Variants in CDH8 observed in about 807,000 individuals in gnomAD.
The protein encoded by CDH8 is cadherin-8.
CDH8 carries 17 observed loss-of-function variants against 68.1 expected under a neutral mutation model. That is an observed-to-expected ratio of 0.25 (90% CI 0.17 to 0.37). The LOEUF (loss-of-function observed/expected upper bound fraction) is 0.37. Ranked by LOEUF, CDH8 falls within the 10% of genes least tolerant of loss-of-function variation. The pLI, the probability that CDH8 is intolerant of heterozygous loss-of-function variation, is 1.00. For synonymous variants in CDH8, 372 were observed against 365.1 expected (o/e 1.02, Z -0.21); for missense variants, 763 against 999.3 (o/e 0.76, Z 3.19).
At chr16:62,031,776 TAA>T (rs59375377) in intron 1 of CDH8, among the ~76,000 whole-genome samples, 64,870 of 151,786 alleles carry the variant, frequency 0.43, 14,005 homozygotes, top group Middle Eastern at 0.55. Context: ...AAATAAAGCT[TAA>T]AACTTGATAA....
chr16:61,983,558 A>G (rs777441368), intron 2 of CDH8, among the ~76,000 whole-genome samples: 17 of 152,242 alleles, frequency 1.1e-4, no homozygotes, highest in Non-Finnish European at 2.4e-4. Context: ...TTCACACACT[A>G]CCTATCAGTT....
Position 61,698,785 on chromosome 16 carries a change from C to T in CDH8, c.1654+15056G>A, listed in dbSNP as rs547659517. On this transcript the variant is annotated intron_variant, in intron 10 of 11. Transcript: ENST00000577390. ...CTCCTCCAAGGACTTATGACTTCTCCGATATCTTTCTTTGGTTTTTTTCAT... is the reference window on the plus strand; with the variant it reads ...CTCCTCCAAGGACTTATGACTTCTCTGATATCTTTCTTTGGTTTTTTTCAT... 6.8e-4 allele frequency among the ~76,000 whole-genome samples: 104 copies of T among 152,202 alleles called. 1 individual carries two copies. Among genetic ancestry groups the T allele is most frequent in the African/African-American group, 2.3e-3 (94 of 41,540 alleles).
intron 8 of CDH8, among the ~76,000 whole-genome samples, chr16:61,736,503 T>C (rs932829737): frequency 6.6e-5 from 10 of 152,188 alleles, no homozygotes. Flanking sequence ...CCCAGGTATA[T>C]GAATGCCTCA....
intron 3 of CDH8, among the ~76,000 whole-genome samples, chr16:61,887,129 T>C (rs1208571743): frequency 3.9e-5 from 6 of 152,132 alleles, no homozygotes; most frequent in Non-Finnish European, 5.9e-5. Flanking sequence ...AGTAAACAGA[T>C]TGTCCATGAA....
chr16:61,728,081 A>G (rs746690837), intron 8 of CDH8, among the ~76,000 whole-genome samples: 10 of 151,114 alleles, frequency 6.6e-5, no homozygotes, highest in Non-Finnish European at 1.5e-4. Flanking sequence ...ATTATACAGA[A>G]TGCATTGGAG....
chr16:61,843,754 G>A (rs1962738388), intron 4 of CDH8, among the ~76,000 whole-genome samples: 1 of 152,104 alleles, frequency 6.6e-6, no homozygotes, highest in Admixed American at 6.5e-5. Context: ...ACCCAGTAAT[G>A]GGATGGTTGG....
chr16:61,915,256 A>G, intron 2 of CDH8, among the ~76,000 whole-genome samples: 1 of 152,326 alleles, frequency 6.6e-6, no homozygotes, highest in East Asian at 1.9e-4. Context: ...ATAGAAGAAA[A>G]TCCATTCATG....
chr16:61,734,043 C>G (rs112152264), intron 8 of CDH8, among the ~76,000 whole-genome samples: 79 of 152,144 alleles, frequency 5.2e-4, no homozygotes, highest in African/African-American at 1.8e-3. Flanking sequence ...AAGTACTCTT[C>G]TATGTGCCTT....
chr16:61,888,063 G>A (rs943984833), intron 3 of CDH8, among the ~76,000 whole-genome samples: 2 of 152,162 alleles, frequency 1.3e-5, no homozygotes, highest in African/African-American at 4.8e-5. Flanking sequence ...GACAGGAAGT[G>A]AGAGCAAGAC....
chr16:62,002,821 A>T (rs1314424100), intron 2 of CDH8, among the ~76,000 whole-genome samples: 1 of 152,152 alleles, frequency 6.6e-6, no homozygotes, highest in Non-Finnish European at 1.5e-5. Flanking sequence ...TGGGAGGCCG[A>T]GGTGGGCGGA....
At chr16:61,817,337 C>G (rs1962098953) in intron 7 of CDH8, 142 bp downstream of exon 7, 1 of 746,464 alleles carries the variant, frequency 1.3e-6, no homozygotes, top group African/African-American at 1.7e-5. Flanking sequence ...CACACACACA[C>G]ACACAGTATG....
intron 2 of CDH8, among the ~76,000 whole-genome samples, chr16:61,956,987 G>A (rs1380229850): frequency 2.0e-5 from 3 of 152,086 alleles, no homozygotes; most frequent in Non-Finnish European, 1.5e-5. Flanking sequence ...GATGTACCTG[G>A]GTAATTTAGT....
chr16:61,790,618 G>A (rs1410926687), intron 7 of CDH8, among the ~76,000 whole-genome samples: 1 of 151,956 alleles, frequency 6.6e-6, no homozygotes, highest in African/African-American at 2.4e-5. Flanking sequence ...TTAGTACTGA[G>A]CGCATTTCTT....
intron 10 of CDH8, among the ~76,000 whole-genome samples, chr16:61,671,702 G>C (rs1480813262): frequency 6.6e-6 from 1 of 151,988 alleles, no homozygotes; most frequent in Non-Finnish European, 1.5e-5. Flanking sequence ...AGGTTGCTGA[G>C]AACGGCATGT....
rs1446751431 is a variant in CDH8 at position 61,648,488 on chromosome 16, G to A, written c.*5120C>T. The A allele has an allele frequency of 6.6e-6, 1 of 151,546 alleles. No individual in the cohort carries two copies. The highest frequency in any genetic ancestry group is 1.5e-5 in the Non-Finnish European group (1 of 67,832). 9.4% of individuals were successfully genotyped at this position (151,546 alleles called of 1,614,324 possible). Reference sequence around the variant, plus strand: ...CTTCCATAGCACTATATATAACTTAGTTTCTATTTCTTATCATCAAAAGTC... The same window carrying A: ...CTTCCATAGCACTATATATAACTTAATTTCTATTTCTTATCATCAAAAGTC... On this transcript the variant is annotated 3_prime_UTR_variant, in exon 12 of 12. Coordinates refer to ENST00000577390, the MANE Select transcript of CDH8 (RefSeq NM_001796.5).
rs533880789 is a variant in CDH8, at chr16:61,647,297, T to G, written c.*6311A>C. 1 of 152,050 alleles carries G rather than the reference T, an allele frequency of 6.6e-6. No homozygotes were observed. The highest frequency in any genetic ancestry group is 6.6e-5 in the Admixed American group (1 of 15,180). 9.4% of individuals were successfully genotyped at this position (152,050 alleles called of 1,614,324 possible). A position where few individuals can be genotyped will look rare whatever the true frequency, so the allele number is the denominator to read the frequency against. On this transcript the variant is annotated 3_prime_UTR_variant, in exon 12 of 12. Transcript: ENST00000577390. ...TATTTGCAATATCATTATGTATAAA[T>G]AATTATTATTTATAAATTTTGGCTC...
chr16:61,710,040 G>A (rs1385358643), intron 10 of CDH8, among the ~76,000 whole-genome samples: 1 of 152,114 alleles, frequency 6.6e-6, no homozygotes, highest in African/African-American at 2.4e-5. Context: ...TAAGCCAGAG[G>A]AGATACAGTA....
intron 2 of CDH8, among the ~76,000 whole-genome samples, chr16:61,971,698 T>A (rs1231745304): frequency 6.6e-6 from 1 of 152,120 alleles, no homozygotes; most frequent in African/African-American, 2.4e-5. Context: ...TCCCTGGAGT[T>A]TGGAGGGTGG....
intron 8 of CDH8, among the ~76,000 whole-genome samples, chr16:61,781,465 A>T (rs1961053078): frequency 6.6e-6 from 1 of 152,070 alleles, no homozygotes; most frequent in South Asian, 2.1e-4. Flanking sequence ...AACAAAAAAA[A>T]CTACAATTAG....
Sources: allele counts gnomAD v4.1 joint callset (sites outside exome capture counted in the v4.1 genomes callset), GRCh38; gene constraint gnomAD v4.1.1; transcripts MANE v1.5; gene names NCBI Gene and HGNC (gene_info 2026-07-23, HGNC 2026-07-21).